TMEM177: variants seen among roughly 807,000 people sequenced by gnomAD.
TMEM177 encodes transmembrane protein 177.
In TMEM177, 4 loss-of-function variants were observed where a neutral mutation model predicts 14.2. That is an observed-to-expected ratio of 0.28 (90% CI 0.14 to 0.64). The LOEUF (loss-of-function observed/expected upper bound fraction) is 0.64, where lower values mean the gene tolerates loss of function less well. TMEM177 is among the 30% of genes least tolerant of loss of function. The pLI is 0.82. For synonymous variants in TMEM177, 179 were observed against 174.5 expected, an observed-to-expected ratio of 1.03 and a Z score of -0.20; for missense variants, 344 against 405.2, an observed-to-expected ratio of 0.85 and a Z score of 1.30.
At chr2:119,709,778 TCG>T in the TMEM177 span, among the ~76,000 whole-genome samples, 1 of 152,090 alleles carries the variant, frequency 6.6e-6, no homozygotes, top group Non-Finnish European at 1.5e-5. Flanking sequence ...TGAACCGAGA[TCG>T]CGCCACTGCG....
the TMEM177 span, among the ~76,000 whole-genome samples, chr2:119,708,644 G>GACACACACACACACAC: frequency 1.2e-4 from 18 of 146,842 alleles, no homozygotes; most frequent in Admixed American, 3.4e-4. Context: ...ATCACACGCA[G>GACACACACACACACAC]ACACACACAC....
In TMEM177 at chr2:119,681,190, G is replaced by A. The variant is rs939429847; in HGVS notation, c.337G>A (p.Asp113Asn). 2.5e-6 allele frequency: 4 copies of A among 1,614,250 alleles called. No homozygotes were observed. The highest frequency in any genetic ancestry group is 3.4e-6 in the Non-Finnish European group (4 of 1,180,048). ...VVGIPASFLG[D>N]LVINTNHPVV... The stretch of plus-strand genomic sequence containing the variant: ...GGGCATCCCTGCCAGTTTCTTGGGA[G>A]ACCTAGTGATCAACACTAACCATCC... Residue 113 changes from aspartate to asparagine, a missense_variant, in exon 2 of 2, where the codon GAC becomes AAC. By Grantham distance (23) the Asp-to-Asn change is conservative. Transcript: ENST00000272521.
chr2:119,700,490 G>A, the TMEM177 span, among the ~76,000 whole-genome samples: 2 of 152,182 alleles, frequency 1.3e-5, no homozygotes, highest in African/African-American at 4.8e-5. Flanking sequence ...TAGGTCTTCT[G>A]ATATATATTC....
downstream of TMEM177, among the ~76,000 whole-genome samples, chr2:119,690,470 C>T (rs1429509038): frequency 2.0e-5 from 3 of 152,202 alleles, no homozygotes; most frequent in African/African-American, 7.2e-5. Flanking sequence ...CCCACCCCTA[C>T]CCCATACCTC....
chr2:119,680,622 G>A (rs1688869301), intron 1 of TMEM177, among the ~76,000 whole-genome samples: 3 of 152,178 alleles, frequency 2.0e-5, no homozygotes, highest in Admixed American at 6.5e-5. Context: ...CTAGAGGTGG[G>A]CCATTACGAC....
chr2:119,708,722 CTCACA>C, the TMEM177 span, among the ~76,000 whole-genome samples: 1 of 151,988 alleles, frequency 6.6e-6, no homozygotes, highest in Non-Finnish European at 1.5e-5. Flanking sequence ...ATGCCCACTT[CTCACA>C]TCACTCTTTG....
At chr2:119,679,426 C>T (rs1407068911) in intron 1 of TMEM177, 150 bp downstream of exon 1, 1 of 152,148 alleles carries the variant, frequency 6.6e-6, no homozygotes, top group Non-Finnish European at 1.5e-5. Context: ...CGCGATGGCC[C>T]TAGGGACGTT....
chr2:119,695,269 C>T, the TMEM177 span, among the ~76,000 whole-genome samples: 1 of 152,252 alleles, frequency 6.6e-6, no homozygotes, highest in Non-Finnish European at 1.5e-5. Flanking sequence ...CCACCTTTCA[C>T]ACCCAGCCCT....
At chr2:119,680,112 GT>G (rs1428733665) in intron 1 of TMEM177, among the ~76,000 whole-genome samples, 2 of 152,126 alleles carry the variant, frequency 1.3e-5, no homozygotes, top group Non-Finnish European at 2.9e-5. Context: ...AAGTACACCA[GT>G]CAAATTGGAT....
the TMEM177 span, among the ~76,000 whole-genome samples, chr2:119,719,466 C>CGA: frequency 6.6e-6 from 1 of 152,202 alleles, no homozygotes; most frequent in African/African-American, 2.4e-5. Flanking sequence ...AGCGTGGGTG[C>CGA]TGCCCCGGCC....
Position 119,681,893 on chromosome 2 carries a change from A to C in TMEM177, c.*104A>C, listed in dbSNP as rs1688917034. 3 of 1,037,594 alleles carry C rather than the reference A, an allele frequency of 2.9e-6. No individual in the cohort carries two copies. In the Admixed American group the frequency reaches 7.2e-5, roughly 25 times the overall value. The allele number at this position is 1,037,594 out of a possible 1,614,324, so 64.3% of individuals were successfully genotyped here. ...TGGACCTATAGCTCACGGCCAGAAA[A>C]ATCACTGGCTTTGGAATTAAATAGC... On this transcript the variant is annotated 3_prime_UTR_variant, in exon 2 of 2. Coordinates refer to ENST00000272521, the MANE Select transcript of TMEM177 (RefSeq NM_030577.3).
At chr2:119,689,683 T>C (rs1266479998), downstream of TMEM177, among the ~76,000 whole-genome samples, 2 of 152,118 alleles carry the variant, frequency 1.3e-5, no homozygotes, top group African/African-American at 4.8e-5. Flanking sequence ...CCTGTGCCCT[T>C]AACCACTCCA....
At chr2:119,683,168 C>T (rs1252434555), downstream of TMEM177, among the ~76,000 whole-genome samples, 1 of 152,226 alleles carries the variant, frequency 6.6e-6, no homozygotes, top group African/African-American at 2.4e-5. Context: ...TGGCACACCT[C>T]CCTGCTGGGC....
chr2:119,712,426 T>C, the TMEM177 span, among the ~76,000 whole-genome samples: 1 of 151,968 alleles, frequency 6.6e-6, no homozygotes, highest in Admixed American at 6.6e-5. Context: ...TTAAGGATGA[T>C]TAAGTTAAAA....
chr2:119,717,343 GAAAAAGAAA>G, the TMEM177 span, among the ~76,000 whole-genome samples: 1 of 150,960 alleles, frequency 6.6e-6, no homozygotes, highest in African/African-American at 2.4e-5. Flanking sequence ...AAAAAAAAAA[GAAAAAGAAA>G]AAAAAGAAAA....
the TMEM177 span, among the ~76,000 whole-genome samples, chr2:119,721,747 A>G: frequency 1.3e-5 from 2 of 152,260 alleles, no homozygotes; most frequent in Non-Finnish European, 2.9e-5. Flanking sequence ...AGCCTCGTCC[A>G]GAGTCACAGA....
At chr2:119,695,541 A>G in the TMEM177 span, among the ~76,000 whole-genome samples, 3,984 of 151,668 alleles carry the variant, frequency 0.026, 55 homozygotes, top group Non-Finnish European at 0.032. Context: ...TGGGTGGGGG[A>G]TATGGGAGAT....
chr2:119,680,509 T>C (rs1688865287), intron 1 of TMEM177, among the ~76,000 whole-genome samples: 1 of 152,142 alleles, frequency 6.6e-6, no homozygotes, highest in African/African-American at 2.4e-5. Context: ...TGCCCAGCGA[T>C]GGGAATAAAA....
At chr2:119,694,031 T>C in the TMEM177 span, among the ~76,000 whole-genome samples, 7 of 2,844 alleles carry the variant, frequency 2.5e-3, no homozygotes, top group African/African-American at 0.013. Context: ...ACCACACATA[T>C]GACACATACC....
Sources: allele counts gnomAD v4.1 joint callset (sites outside exome capture counted in the v4.1 genomes callset), GRCh38; gene constraint gnomAD v4.1.1; transcripts MANE v1.5; gene names NCBI Gene and HGNC (gene_info 2026-07-23, HGNC 2026-07-21).